The following PLPP4 variants were observed in gnomAD, a reference collection of about 807,000 sequenced individuals.
PLPP4 encodes diacylglycerol pyrophosphate like 2.
Under a neutral mutation model 32.2 loss-of-function variants are expected in PLPP4, and 20 were observed. The ratio of observed to expected loss-of-function variants is 0.62; its 90% CI spans 0.44 to 0.90. The LOEUF (loss-of-function observed/expected upper bound fraction) is 0.90, where lower values mean the gene tolerates loss of function less well. PLPP4 is among the 40% of genes least tolerant of loss of function. The probability of loss-of-function intolerance (pLI) is 0.00; values close to 1 mark genes in which losing one functional copy is unlikely to be tolerated. For synonymous variants in PLPP4, 127 were observed against 133.0 expected (o/e 0.95, Z 0.31); for missense variants, 257 against 353.1 (o/e 0.73, Z 2.18).
At chr10:120,516,675 A>G (rs1024375311) in intron 3 of PLPP4, among the ~76,000 whole-genome samples, 2 of 152,182 alleles carry the variant, frequency 1.3e-5, no homozygotes, top group African/African-American at 4.8e-5. Flanking sequence ...TGAAACCCAC[A>G]GTGCTGTGGG....
At chr10:120,519,796 T>G (rs1846076651) in intron 4 of PLPP4, among the ~76,000 whole-genome samples, 1 of 152,196 alleles carries the variant, frequency 6.6e-6, no homozygotes. Flanking sequence ...GCGCTATGTT[T>G]CCAACATTAG....
At chr10:120,555,054 C>G (rs1339117778) in intron 5 of PLPP4, among the ~76,000 whole-genome samples, 6 of 151,986 alleles carry the variant, frequency 3.9e-5, no homozygotes. Context: ...GATAATCTCC[C>G]AGTGGCTGTC....
At chr10:120,513,813 C>A in intron 2 of PLPP4, 98 bp from the exon 3 acceptor site, 2 of 904,396 alleles carry the variant, frequency 2.2e-6, no homozygotes, top group South Asian at 1.4e-5. Flanking sequence ...ATTATTCAAC[C>A]AGGGAGTCTA....
intron 4 of PLPP4, among the ~76,000 whole-genome samples, chr10:120,519,252 AGGATGAGACATAT>A (rs2133904386): frequency 6.6e-6 from 1 of 152,246 alleles, no homozygotes; most frequent in East Asian, 1.9e-4. Flanking sequence ...CATTCTCTTC[AGGATGAGACATAT>A]GGATTGGCAT....
intron 6 of PLPP4, among the ~76,000 whole-genome samples, chr10:120,579,792 G>A (rs1030106334): frequency 1.3e-5 from 2 of 151,988 alleles, no homozygotes; most frequent in Non-Finnish European, 2.9e-5. Flanking sequence ...AGCAGAGTAA[G>A]CTTTATTCCA....
chr10:120,477,871 C>T (rs1188682348), intron 1 of PLPP4, among the ~76,000 whole-genome samples: 1 of 152,206 alleles, frequency 6.6e-6, no homozygotes, highest in Non-Finnish European at 1.5e-5. Context: ...CCATGGGAAT[C>T]TCCTGGGCCT....
chr10:120,469,146 A>T lies in PLPP4; in HGVS notation c.56+11785A>T, dbSNP rs1418428689. ...TAGTTATTGAAAGAATCATTTTGAAAATCATGAAGAAACGTGGTGAAATTT... is the reference window on the plus strand; with the variant it reads ...TAGTTATTGAAAGAATCATTTTGAATATCATGAAGAAACGTGGTGAAATTT... On this transcript the variant is annotated intron_variant, in intron 1 of 6. Coordinates refer to ENST00000398250, the MANE Select transcript of PLPP4 (RefSeq NM_001030059.3). 3.1e-5 allele frequency among the ~76,000 whole-genome samples: 2 copies of T among 64,938 alleles called. 1 individual carries two copies. Among genetic ancestry groups the T allele is most frequent in the Non-Finnish European group, 9.0e-5 (2 of 22,340 alleles). 42.6% of individuals were successfully genotyped at this position (64,938 alleles called of 152,430 possible).
At chr10:120,464,071 CT>C (rs1848204019) in intron 1 of PLPP4, among the ~76,000 whole-genome samples, 1 of 152,182 alleles carries the variant, frequency 6.6e-6, no homozygotes, top group Admixed American at 6.5e-5. Context: ...TCCCAGAGTG[CT>C]GGGATTATAG....
At chr10:120,572,046 T>C (rs1037296816) in intron 5 of PLPP4, among the ~76,000 whole-genome samples, 2 of 152,224 alleles carry the variant, frequency 1.3e-5, no homozygotes, top group African/African-American at 4.8e-5. Flanking sequence ...TGGCTGCTGC[T>C]GGGTGCCCAC....
At chr10:120,542,619 T>A (rs1347549976) in intron 5 of PLPP4, among the ~76,000 whole-genome samples, 2 of 152,198 alleles carry the variant, frequency 1.3e-5, no homozygotes, top group Non-Finnish European at 2.9e-5. Flanking sequence ...TAGAAGACTT[T>A]TGCCCCACAT....
intron 5 of PLPP4, among the ~76,000 whole-genome samples, chr10:120,531,428 T>C (rs1005936230): frequency 1.3e-5 from 2 of 152,164 alleles, no homozygotes; most frequent in Non-Finnish European, 2.9e-5. Flanking sequence ...TAATGATGTC[T>C]TTTGATGAGC....
At chr10:120,534,675 G>A (rs374746321) in intron 5 of PLPP4, among the ~76,000 whole-genome samples, 11 of 151,774 alleles carry the variant, frequency 7.2e-5, no homozygotes, top group East Asian at 5.8e-4. Context: ...AATCGCTATC[G>A]GACTATCTTA....
At chr10:120,503,425 C>T (rs1279262880) in intron 1 of PLPP4, among the ~76,000 whole-genome samples, 3 of 152,206 alleles carry the variant, frequency 2.0e-5, no homozygotes, top group Non-Finnish European at 2.9e-5. Flanking sequence ...GGCAGCTGTG[C>T]CAGTTACTCC....
At chr10:120,482,228 C>G (rs1186755316) in intron 1 of PLPP4, among the ~76,000 whole-genome samples, 1 of 152,114 alleles carries the variant, frequency 6.6e-6, no homozygotes, top group East Asian at 1.9e-4. Context: ...TTGGAGGGCT[C>G]AGAAGAAGAC....
chr10:120,482,780 C>T (rs1036581624), intron 1 of PLPP4, among the ~76,000 whole-genome samples: 5 of 150,664 alleles, frequency 3.3e-5, no homozygotes, highest in African/African-American at 4.9e-5. Flanking sequence ...GGCATGGTGG[C>T]GGGTGCCTGT....
chr10:120,459,151 T>C (rs541073311), intron 1 of PLPP4, among the ~76,000 whole-genome samples: 5 of 152,360 alleles, frequency 3.3e-5, no homozygotes, highest in Admixed American at 1.3e-4. Flanking sequence ...CGCGTCTTGC[T>C]TTTTCTAAGG....
chr10:120,558,296 G>A (rs1322755299), intron 5 of PLPP4, among the ~76,000 whole-genome samples: 2 of 151,672 alleles, frequency 1.3e-5, no homozygotes, highest in Admixed American at 1.3e-4. Context: ...TTACATAAAG[G>A]GAGTCACACA....
In PLPP4 at chr10:120,457,458, A is replaced by T; in HGVS notation, c.56+97A>T. The T allele has an allele frequency of 1.8e-6, 2 of 1,137,670 alleles. 1 individual carries two copies. Among genetic ancestry groups the T allele is most frequent in the South Asian group, 3.2e-5 (2 of 63,370 alleles). The allele number at this position is 1,137,670 out of a possible 1,614,324, so 70.5% of individuals were successfully genotyped here. On this transcript the variant is annotated intron_variant, in intron 1 of 6. Transcript: ENST00000398250. ...AACTTAGTTTGCGCAGCCGCTTCCC[A>T]CTGGGGCCTGGGTTCGAGGTCCCTT...
intron 5 of PLPP4, among the ~76,000 whole-genome samples, chr10:120,538,789 CTTTAT>C (rs1212470785): frequency 2.0e-5 from 3 of 152,100 alleles, no homozygotes; most frequent in Admixed American, 2.0e-4. Context: ...GCCTTAAAGC[CTTTAT>C]TTTATTTAAT....
Sources: allele counts gnomAD v4.1 joint callset (sites outside exome capture counted in the v4.1 genomes callset), GRCh38; gene constraint gnomAD v4.1.1; transcripts MANE v1.5; gene names NCBI Gene and HGNC (gene_info 2026-07-23, HGNC 2026-07-21).